The following CDC42BPA variants were observed in gnomAD, a reference collection of about 807,000 sequenced individuals.
CDC42BPA encodes serine/threonine-protein kinase MRCK alpha.
Under a neutral mutation model 223.5 loss-of-function variants are expected in CDC42BPA, and 80 were observed. That is an observed-to-expected ratio of 0.36 (90% CI 0.30 to 0.43). CDC42BPA has a LOEUF of 0.43. CDC42BPA is among the 20% of genes least tolerant of loss of function. The probability of loss-of-function intolerance (pLI) is 1.00; values close to 1 mark genes in which losing one functional copy is unlikely to be tolerated. For synonymous variants in CDC42BPA, 694 were observed against 718.6 expected (o/e 0.97, Z 0.55); for missense variants, 1,743 against 2,099.9 (o/e 0.83, Z 3.32).
At chr1:227,082,469 C>T (rs955613150) in intron 16 of CDC42BPA, among the ~76,000 whole-genome samples, 5 of 152,054 alleles carry the variant, frequency 3.3e-5, no homozygotes, top group Non-Finnish European at 2.9e-5. Context: ...AATCCCAGCA[C>T]TTTGGGAGGC....
At chr1:227,279,915 G>A (rs534246085) in intron 1 of CDC42BPA, among the ~76,000 whole-genome samples, 36 of 152,014 alleles carry the variant, frequency 2.4e-4, no homozygotes, top group Non-Finnish European at 4.4e-4. Flanking sequence ...AAAATTAGCC[G>A]GATGTGGTGG....
At chr1:227,037,634 T>C (rs1025986474) in intron 24 of CDC42BPA, among the ~76,000 whole-genome samples, 1 of 152,216 alleles carries the variant, frequency 6.6e-6, no homozygotes, top group African/African-American at 2.4e-5. Flanking sequence ...ATGGGCTACA[T>C]TTCCTTTAAG....
intron 1 of CDC42BPA, among the ~76,000 whole-genome samples, chr1:227,308,645 A>G (rs1692987138): frequency 6.6e-6 from 1 of 152,210 alleles, no homozygotes; most frequent in East Asian, 1.9e-4. Context: ...CATTTTTCAT[A>G]AAGAGACATA....
chr1:227,070,136 T>C (rs1431225460), intron 20 of CDC42BPA, among the ~76,000 whole-genome samples: 1 of 151,878 alleles, frequency 6.6e-6, no homozygotes, highest in Non-Finnish European at 1.5e-5. Flanking sequence ...ATTAAATCTT[T>C]TGGTAGGCTT....
chr1:227,100,935 G>C, intron 15 of CDC42BPA, 57 bp downstream of exon 15: 1 of 1,102,302 alleles, frequency 9.1e-7, no homozygotes, highest in Non-Finnish European at 1.3e-6. Flanking sequence ...TCCAATACTT[G>C]ACACATAACA....
chr1:227,181,070 A>T (rs1667852012), intron 5 of CDC42BPA, among the ~76,000 whole-genome samples: 2 of 152,364 alleles, frequency 1.3e-5, no homozygotes, highest in South Asian at 4.1e-4. Context: ...AATTGAAAAG[A>T]AAGGGTACAC....
In CDC42BPA at chr1:227,026,032, C is replaced by A. The variant is rs374864663; in HGVS notation, c.4530+23G>T. On this transcript the variant is annotated intron_variant, in intron 31 of 36. Transcript: ENST00000366766. ...TTTCACTTATACTCAGTTGGCTTAGCCCACATTTTAATGTTAAATTACCTT... is the reference window on the plus strand; with the variant it reads ...TTTCACTTATACTCAGTTGGCTTAGACCACATTTTAATGTTAAATTACCTT... The A allele has an allele frequency of 4.5e-6, 6 of 1,331,668 alleles. No homozygotes were observed. The African/African-American group carries it at 8.8e-5, about 19-fold the overall frequency. 82.5% of individuals were successfully genotyped at this position (1,331,668 alleles called of 1,614,324 possible).
chr1:227,198,527 C>G (rs1447674567), intron 4 of CDC42BPA, among the ~76,000 whole-genome samples: 1 of 149,692 alleles, frequency 6.7e-6, no homozygotes, highest in African/African-American at 2.5e-5. Context: ...TAATGGGTCA[C>G]AATCTGTAGT....
intron 17 of CDC42BPA, among the ~76,000 whole-genome samples, chr1:227,077,714 A>G (rs1027175619): frequency 6.6e-6 from 1 of 152,146 alleles, no homozygotes; most frequent in Non-Finnish European, 1.5e-5. Context: ...TCTTACCAAC[A>G]AACAAAATAA....
chr1:227,261,124 C>CTTTCTTTCTTTTTTTTTTTT (rs386417862), intron 1 of CDC42BPA, among the ~76,000 whole-genome samples: 7 of 121,000 alleles, frequency 5.8e-5, no homozygotes, highest in East Asian at 2.5e-4. Context: ...TTGAGTTTTT[C>CTTTCTTTCTTTTTTTTTTTT]TTTTTTTTTG....
At chr1:227,031,171 A>G in intron 28 of CDC42BPA, 127 bp downstream of exon 28, 1 of 693,784 alleles carries the variant, frequency 1.4e-6, no homozygotes. Context: ...GTAAACATGT[A>G]CTGAGCATTT....
At chr1:227,113,108 C>T (rs1306616746) in intron 12 of CDC42BPA, among the ~76,000 whole-genome samples, 195 bp from the exon 13 acceptor site, 1 of 152,202 alleles carries the variant, frequency 6.6e-6, no homozygotes, top group Non-Finnish European at 1.5e-5. Flanking sequence ...TATGCTAATA[C>T]AGTAAATGCA....
In CDC42BPA at chr1:227,273,947, G is replaced by A. The variant is rs894239745; in HGVS notation, c.179-19792C>T. Among the ~76,000 whole-genome samples, 3 of 145,472 alleles carry A rather than the reference G, an allele frequency of 2.1e-5. No homozygotes were observed. The Admixed American group carries it at 2.1e-4, about 10-fold the overall frequency. On this transcript the variant is annotated intron_variant, in intron 1 of 36. Coordinates refer to ENST00000366766, the MANE Select transcript of CDC42BPA (RefSeq NM_001394014.1). ...AGGTTTGGGATTGGGAGGTGGTGGTGGGGGGAGGTGTTTCCTGGTTTGATA... is the reference window on the plus strand; with the variant it reads ...AGGTTTGGGATTGGGAGGTGGTGGTAGGGGGAGGTGTTTCCTGGTTTGATA...
chr1:227,147,305 TTATTA>T, intron 7 of CDC42BPA, 49 bp downstream of exon 7: 5 of 1,283,376 alleles, frequency 3.9e-6, no homozygotes, highest in Non-Finnish European at 5.4e-6. Context: ...AAAAATGGTT[TTATTA>T]TATGTGTTAT....
intron 21 of CDC42BPA, among the ~76,000 whole-genome samples, chr1:227,065,616 CAT>C (rs1236863053): frequency 3.9e-5 from 6 of 152,146 alleles, no homozygotes; most frequent in East Asian, 3.8e-4. Context: ...ACAGGCAAAA[CAT>C]GTGGAGGAAA....
At chr1:227,304,022 C>T (rs939630361) in intron 1 of CDC42BPA, among the ~76,000 whole-genome samples, 1 of 152,120 alleles carries the variant, frequency 6.6e-6, no homozygotes, top group Non-Finnish European at 1.5e-5. Context: ...ATAGCAGCAC[C>T]CTCTTCTCCT....
chr1:227,125,929 A>T (rs1043195931), intron 11 of CDC42BPA, among the ~76,000 whole-genome samples: 1 of 152,112 alleles, frequency 6.6e-6, no homozygotes, highest in Non-Finnish European at 1.5e-5. Flanking sequence ...TTTTATAATA[A>T]TTTTATGTTG....
chr1:226,995,683 CAG>C (rs1412830529), intron 35 of CDC42BPA, among the ~76,000 whole-genome samples: 1 of 152,190 alleles, frequency 6.6e-6, no homozygotes, highest in Non-Finnish European at 1.5e-5. Flanking sequence ...GGGTAGGTAA[CAG>C]TGGACCAGCA....
intron 5 of CDC42BPA, among the ~76,000 whole-genome samples, chr1:227,182,067 A>G (rs1668034923): frequency 1.3e-5 from 2 of 152,138 alleles, no homozygotes; most frequent in Admixed American, 1.3e-4. Flanking sequence ...GTATGCTCTC[A>G]GCTATCATGA....
Sources: allele counts gnomAD v4.1 joint callset (sites outside exome capture counted in the v4.1 genomes callset), GRCh38; gene constraint gnomAD v4.1.1; transcripts MANE v1.5; gene names NCBI Gene and HGNC (gene_info 2026-07-23, HGNC 2026-07-21).